Variants in FRMD3 observed in about 807,000 individuals in gnomAD.
FRMD3 encodes the protein FERM domain containing 3.
Under a neutral mutation model 70.2 loss-of-function variants are expected in FRMD3, and 33 were observed. The ratio of observed to expected loss-of-function variants is 0.47; its 90% CI spans 0.36 to 0.63. FRMD3 has a LOEUF of 0.63. Ranked by LOEUF, FRMD3 falls within the 20% of genes least tolerant of loss-of-function variation. FRMD3 has a pLI of 0.00. For synonymous variants in FRMD3, 279 were observed against 255.9 expected (o/e 1.09, Z -0.86); for missense variants, 632 against 711.4 (o/e 0.89, Z 1.27).
chr9:83,465,700 T>C (rs997483635), intron 1 of FRMD3, among the ~76,000 whole-genome samples: 2 of 152,208 alleles, frequency 1.3e-5, no homozygotes, highest in Non-Finnish European at 2.9e-5. Context: ...CCGGTATACA[T>C]GCTATACCCT....
chr9:83,363,055 C>A (rs1281271400), intron 3 of FRMD3, among the ~76,000 whole-genome samples: 2 of 151,282 alleles, frequency 1.3e-5, no homozygotes, highest in Non-Finnish European at 2.9e-5. Flanking sequence ...ATAAAGATTT[C>A]TCTCCTTTTG....
intron 1 of FRMD3, among the ~76,000 whole-genome samples, chr9:83,532,042 A>G (rs1181658072): frequency 2.6e-5 from 4 of 152,224 alleles, no homozygotes; most frequent in African/African-American, 7.2e-5. Context: ...CATTAAGATA[A>G]CAGTCACTAT....
intron 13 of FRMD3, among the ~76,000 whole-genome samples, chr9:83,286,045 T>C (rs944980282): frequency 6.6e-6 from 1 of 152,208 alleles, no homozygotes; most frequent in African/African-American, 2.4e-5. Flanking sequence ...CCAGCTGTCA[T>C]ATGGCTGAAT....
At chr9:83,567,235 C>G in the FRMD3 span, among the ~76,000 whole-genome samples, 2 of 152,186 alleles carry the variant, frequency 1.3e-5, no homozygotes, top group Non-Finnish European at 2.9e-5. Flanking sequence ...TAAATGTTGG[C>G]CCCTTTCAGC....
the FRMD3 span, among the ~76,000 whole-genome samples, chr9:83,576,123 A>G: frequency 6.6e-6 from 1 of 152,184 alleles, no homozygotes; most frequent in African/African-American, 2.4e-5. Context: ...TACCTCTTAC[A>G]GTTATAGACA....
At chr9:83,288,593 G>T (rs1032518970) in intron 13 of FRMD3, among the ~76,000 whole-genome samples, 9 of 152,196 alleles carry the variant, frequency 5.9e-5, no homozygotes, top group Non-Finnish European at 1.0e-4. Context: ...CGAAGAGAGA[G>T]ATCTATCAGT....
intron 13 of FRMD3, among the ~76,000 whole-genome samples, chr9:83,287,482 C>T (rs2118954550): frequency 6.6e-6 from 1 of 152,302 alleles, no homozygotes; most frequent in South Asian, 2.1e-4. Context: ...ATATCATTCC[C>T]ATACCTGAAA....
chr9:83,384,339 C>G (rs1194088046), intron 2 of FRMD3, among the ~76,000 whole-genome samples: 1 of 152,158 alleles, frequency 6.6e-6, no homozygotes, highest in Non-Finnish European at 1.5e-5. Flanking sequence ...TCCCGAGAAG[C>G]AGGAAGCAGC....
At chr9:83,400,184 C>T (rs1317415516) in intron 1 of FRMD3, among the ~76,000 whole-genome samples, 1 of 152,092 alleles carries the variant, frequency 6.6e-6, no homozygotes, top group African/African-American at 2.4e-5. Flanking sequence ...AATTAATAAA[C>T]TAATAAATGC....
intron 1 of FRMD3, among the ~76,000 whole-genome samples, chr9:83,502,359 T>C (rs1329547030): frequency 1.3e-5 from 2 of 152,202 alleles, no homozygotes; most frequent in Non-Finnish European, 2.9e-5. Flanking sequence ...GCCAGGTGCC[T>C]GCTAAAGCTA....
chr9:83,479,417 A>T, intron 1 of FRMD3, among the ~76,000 whole-genome samples: 1 of 96,158 alleles, frequency 1.0e-5, no homozygotes, highest in African/African-American at 4.0e-5. Context: ...GGAGGGAAGG[A>T]TGAAAGGAGG....
intron 3 of FRMD3, among the ~76,000 whole-genome samples, chr9:83,364,399 A>G (rs1824721020): frequency 6.6e-6 from 1 of 152,176 alleles, no homozygotes; most frequent in Admixed American, 6.5e-5. Context: ...TCTTCTAAAA[A>G]TACAAAAATT....
intron 1 of FRMD3, among the ~76,000 whole-genome samples, chr9:83,390,229 C>A (rs1234536176): frequency 6.6e-6 from 1 of 152,184 alleles, no homozygotes; most frequent in East Asian, 1.9e-4. Context: ...TTGAATGGAG[C>A]AGGACAGGAT....
At chr9:83,544,887 G>A in the FRMD3 span, among the ~76,000 whole-genome samples, 1 of 152,030 alleles carries the variant, frequency 6.6e-6, no homozygotes, top group Non-Finnish European at 1.5e-5. Flanking sequence ...AAAAAGTCTT[G>A]TCCAAACAAA....
At chr9:83,253,232 A>G (rs1832513390) in intron 13 of FRMD3, among the ~76,000 whole-genome samples, 1 of 152,164 alleles carries the variant, frequency 6.6e-6, no homozygotes, top group South Asian at 2.1e-4. Context: ...AAACCACACA[A>G]CTACATGGAA....
In FRMD3 at chr9:83,246,599, C is replaced by T. The variant is rs1039846387; in HGVS notation, c.*1319G>A. ...GGAAAGGAAAGGAGTATAATGACCA[C>T]CGCAAAACATGATCATGGACATGTA... On this transcript the variant is annotated 3_prime_UTR_variant, in exon 14 of 14. Coordinates refer to ENST00000304195, the MANE Select transcript of FRMD3 (RefSeq NM_174938.6). 18 of 984,706 alleles carry T rather than the reference C, an allele frequency of 1.8e-5. No individual in the cohort carries two copies. The highest frequency in any genetic ancestry group is 2.2e-5 in the Non-Finnish European group (18 of 829,848). The allele number at this position is 984,706 out of a possible 1,614,324, so 61.0% of individuals were successfully genotyped here. A position where few individuals can be genotyped will look rare whatever the true frequency, so the allele number is the denominator to read the frequency against.
At chr9:83,431,923 A>C (rs1177009998) in intron 1 of FRMD3, among the ~76,000 whole-genome samples, 1 of 152,228 alleles carries the variant, frequency 6.6e-6, no homozygotes. Context: ...CACTCTGCAG[A>C]GAGAGGACAC....
the FRMD3 span, among the ~76,000 whole-genome samples, chr9:83,544,199 T>C: frequency 8.0e-5 from 9 of 111,962 alleles, no homozygotes; most frequent in Non-Finnish European, 1.6e-4. Flanking sequence ...CTCAGCTACA[T>C]TGAAGTGTCT....
chr9:83,538,222 AG>A lies in FRMD3; in HGVS notation c.9del (p.Ser4ProfsTer12). MF[A>X]SCHCVPRGRR... is the part of the protein sequence containing the mutation. ...CTGCCTCTCGGCACACAGTGGCAGG[AG>A]GCGAACATGCACCGCGGCCGTGGGG... On this transcript the variant is annotated frameshift_variant, in exon 1 of 14. Coordinates refer to ENST00000304195, the MANE Select transcript of FRMD3 (RefSeq NM_174938.6). LOFTEE classifies it high-confidence loss of function. This position sits in a 1 kb window ranked among gnomAD's most constrained non-coding sequence, Gnocchi z 4.7. 6.3e-7 allele frequency: 1 copy of A among 1,575,168 alleles called. No homozygotes were observed. Among genetic ancestry groups the A allele is most frequent in the Non-Finnish European group, 8.6e-7 (1 of 1,159,498 alleles).
Sources: allele counts gnomAD v4.1 joint callset (sites outside exome capture counted in the v4.1 genomes callset), GRCh38; gene constraint gnomAD v4.1.1; non-coding constraint Gnocchi (gnomAD v3.1); transcripts MANE v1.5; gene names NCBI Gene and HGNC (gene_info 2026-07-23, HGNC 2026-07-21).